The following LRRC9 variants were observed in gnomAD, a reference collection of about 807,000 sequenced individuals.
The protein encoded by LRRC9 is leucine rich repeat containing 9.
Under a neutral mutation model 63.2 loss-of-function variants are expected in LRRC9, and 122 were observed. The observed-to-expected ratio is 1.93, with a 90% confidence interval of 1.67 to 2.24. The LOEUF (loss-of-function observed/expected upper bound fraction) is 2.24. LRRC9 is among the 30% of genes most tolerant of loss of function. The pLI is 0.00. For missense variants in LRRC9, 1,071 were observed against 627.7 expected (o/e 1.71, Z -7.55); for synonymous variants, 366 against 213.1 (o/e 1.72, Z -6.25).
In LRRC9 at chr14:59,923,377, A is replaced by G. The variant is rs1279152981; in HGVS notation, c.-34+3494A>G. ...GGTAAGATTTGTATCCCAAATAGGC[A>G]TATTTTTCTTCCAAGGAAAAGTAGT... On this transcript the variant is annotated intron_variant, in intron 1 of 31. Transcript: ENST00000445360. This position sits in a 1 kb window ranked among gnomAD's most constrained non-coding sequence, Gnocchi z 4.2. Among the ~76,000 whole-genome samples, 4 of 152,214 alleles carry G rather than the reference A, an allele frequency of 2.6e-5. No homozygotes were observed. Among genetic ancestry groups the G allele is most frequent in the Middle Eastern group, 3.2e-3 (1 of 316 alleles).
chr14:60,045,842 A>T (rs1893374453), intron 29 of LRRC9, among the ~76,000 whole-genome samples: 1 of 152,184 alleles, frequency 6.6e-6, no homozygotes. Context: ...TCTTTGAAGA[A>T]TTGCCACACT....
In LRRC9 at chr14:59,960,034, T is replaced by G; in HGVS notation, c.1079+20T>G. 1.6e-6 allele frequency: 1 copy of G among 631,940 alleles called. No homozygotes were observed. The highest frequency in any genetic ancestry group is 2.8e-6 in the Non-Finnish European group (1 of 351,912). The allele number at this position is 631,940 out of a possible 1,614,324, so 39.1% of individuals were successfully genotyped here. A position where few individuals can be genotyped will look rare whatever the true frequency, so the allele number is the denominator to read the frequency against. The stretch of plus-strand genomic sequence containing the variant: ...AGATGAGTATGTTTAATTAATTATC[T>G]AGTTGTTCTGATCTGAAATGGAGAG... On this transcript the variant is annotated intron_variant, in intron 9 of 31. Coordinates refer to ENST00000445360, the Ensembl canonical transcript of LRRC9.
chr14:59,930,971 T>G lies in LRRC9; in HGVS notation c.321T>G (p.Phe107Leu), dbSNP rs1179631324. 5 of 457,726 alleles carry G rather than the reference T, an allele frequency of 1.1e-5. No individual in the cohort carries two copies. The highest frequency in any genetic ancestry group is 2.0e-5 in the Non-Finnish European group (5 of 253,486). The allele number at this position is 457,726 out of a possible 1,614,324, so 28.4% of individuals were successfully genotyped here. The change falls in exon 4 of 32, where the codon TTT (phenylalanine) becomes TTG (leucine). Residue 107 changes from phenylalanine (F) to leucine (L), a missense_variant. Phe to Leu is a conservative substitution (Grantham distance 22, BLOSUM62 0). Coordinates refer to ENST00000445360, the Ensembl canonical transcript of LRRC9. The surrounding 1 kb of genome is among the most constrained non-coding windows in gnomAD (Gnocchi z 4.9). ...ATTTGGAAAAACTATATTTATATTT[T>G]AATAAAATTTCCAAAATAGAAAATT...
At position 59,986,191 on chromosome 14, in the gene LRRC9, A is replaced by C. The variant is rs1887454412; in HGVS notation, c.2211+967A>C. On this transcript the variant is annotated intron_variant, in intron 17 of 31. Transcript: ENST00000445360. The surrounding 1 kb of genome is among the most constrained non-coding windows in gnomAD (Gnocchi z 4.7). ...AATGCACATGTACACATAGGCATGG[A>C]TATTGTCTGGCTTTTATTTTGTTAT... is the stretch of plus-strand genomic sequence containing the variant. Among the ~76,000 whole-genome samples, 1 of 152,168 alleles carries C rather than the reference A, an allele frequency of 6.6e-6. No homozygotes were observed. The highest frequency in any genetic ancestry group is 2.4e-5 in the African/African-American group (1 of 41,446).
chr14:59,973,008 C>T (rs1221646631), intron 12 of LRRC9, among the ~76,000 whole-genome samples: 1 of 152,062 alleles, frequency 6.6e-6, no homozygotes, highest in African/African-American at 2.4e-5. Context: ...TTCTTAAGAG[C>T]AGGATCTGTA....
At chr14:60,026,160 CAGG>C (rs1466533002) in intron 27 of LRRC9, among the ~76,000 whole-genome samples, 1 of 152,002 alleles carries the variant, frequency 6.6e-6, no homozygotes, top group South Asian at 2.1e-4. Context: ...ATGGAAGTGA[CAGG>C]AGAAGTCAAA....
Position 59,958,097 on chromosome 14 carries a change from C to T in LRRC9, c.883-1721C>T, listed in dbSNP as rs985585079. Among the ~76,000 whole-genome samples the T allele has an allele frequency of 2.0e-5, 3 of 152,210 alleles. No homozygotes were observed. Among genetic ancestry groups the T allele is most frequent in the Non-Finnish European group, 2.9e-5 (2 of 68,028 alleles). On this transcript the variant is annotated intron_variant, in intron 8 of 31. Transcript: ENST00000445360. This position sits in a 1 kb window ranked among gnomAD's most constrained non-coding sequence, Gnocchi z 4.0. ...TGGGGTATGTCTCCCAGTCAGGAGG[C>T]ACGGGGGTCAGGAACCCACTTGAGC...
Position 59,958,156 on chromosome 14 carries a change from G to C in LRRC9, c.883-1662G>C, listed in dbSNP as rs1361340745. 6.6e-6 allele frequency among the ~76,000 whole-genome samples: 1 copy of C among 152,208 alleles called. No homozygotes were observed. The highest frequency in any genetic ancestry group is 2.4e-5 in the African/African-American group (1 of 41,446). On this transcript the variant is annotated intron_variant, in intron 8 of 31. Coordinates refer to ENST00000445360, the Ensembl canonical transcript of LRRC9. The surrounding 1 kb of genome is among the most constrained non-coding windows in gnomAD (Gnocchi z 4.0). ...TGTCCCTTAGCAGAGCTGGTGCACT[G>C]TGCTGGGCGAATCCCTCTTGTCAGG...
At chr14:60,040,192 T>A (rs1397148086) in intron 29 of LRRC9, among the ~76,000 whole-genome samples, 1 of 151,988 alleles carries the variant, frequency 6.6e-6, no homozygotes, top group South Asian at 2.1e-4. Flanking sequence ...ATGTGGTACA[T>A]TTTGGAATAA....
exon 27 of LRRC9, chr14:60,022,802 A>G (rs1212053055): frequency 5.8e-6 from 4 of 688,268 alleles, no homozygotes; most frequent in South Asian, 3.1e-5. Context: ...TTGGGCTACA[A>G]TGGAATTTGT....
chr14:59,993,155 T>A (rs1888350004), intron 17 of LRRC9, among the ~76,000 whole-genome samples: 1 of 152,188 alleles, frequency 6.6e-6, no homozygotes, highest in African/African-American at 2.4e-5. Flanking sequence ...GGGACCAATA[T>A]TCAACATTCT....
chr14:60,003,378 T>G lies in LRRC9; in HGVS notation c.2665-243T>G, dbSNP rs943480498. ...CCAGCAGCTGGGACAAGTCCATTAC[T>G]GTAATGGGACTCTAGCACATCGCAG... On this transcript the variant is annotated intron_variant, in intron 20 of 31. Coordinates refer to ENST00000445360, the Ensembl canonical transcript of LRRC9. The surrounding 1 kb of genome is among the most constrained non-coding windows in gnomAD (Gnocchi z 4.2). Among the ~76,000 whole-genome samples the G allele has an allele frequency of 3.3e-5, 5 of 152,234 alleles. No homozygotes were observed. The highest frequency in any genetic ancestry group is 7.3e-5 in the Non-Finnish European group (5 of 68,032).
chr14:60,019,958 T>C (rs1339822729), intron 26 of LRRC9, among the ~76,000 whole-genome samples: 3 of 151,856 alleles, frequency 2.0e-5, no homozygotes, highest in Non-Finnish European at 4.4e-5. Flanking sequence ...TTGTGCTTTT[T>C]ATTACCTCTA....
intron 29 of LRRC9, among the ~76,000 whole-genome samples, chr14:60,036,182 C>A (rs1405358528): frequency 2.6e-5 from 4 of 152,146 alleles, no homozygotes; most frequent in African/African-American, 9.7e-5. Context: ...TAAACATAAT[C>A]ACCTCCCAAG....
At chr14:59,935,633 G>A (rs1259318722) in intron 6 of LRRC9, among the ~76,000 whole-genome samples, 1 of 152,328 alleles carries the variant, frequency 6.6e-6, no homozygotes, top group East Asian at 1.9e-4. Context: ...TCAGAGTGCT[G>A]TGGGAACATA....
intron 14 of LRRC9, among the ~76,000 whole-genome samples, chr14:59,977,581 T>C (rs952139940): frequency 2.0e-5 from 3 of 151,532 alleles, no homozygotes; most frequent in Non-Finnish European, 4.4e-5. Flanking sequence ...TGTGTGTGTG[T>C]GTGTGTGTGT....
rs1198546632 is a variant in LRRC9, at chr14:60,017,748, G to A, written c.3318-623G>A. On this transcript the variant is annotated intron_variant, in intron 24 of 31. Transcript: ENST00000445360. This position sits in a 1 kb window ranked among gnomAD's most constrained non-coding sequence, Gnocchi z 4.0. The stretch of plus-strand genomic sequence containing the variant: ...TAGGATTTATTTAGAGAACTGGTTA[G>A]GGAAAGGGATGTAGTTTTATGCTCT... Among the ~76,000 whole-genome samples the A allele has an allele frequency of 6.6e-6, 1 of 152,104 alleles. No individual in the cohort carries two copies. Among genetic ancestry groups the A allele is most frequent in the African/African-American group, 2.4e-5 (1 of 41,436 alleles).
chr14:59,976,706 C>T (rs77586430), intron 13 of LRRC9, among the ~76,000 whole-genome samples: 3,184 of 152,188 alleles, frequency 0.021, 119 homozygotes, highest in East Asian at 0.15. Flanking sequence ...TAAAAACAAA[C>T]AAAATTCCTT....
Position 59,964,366 on chromosome 14 carries a change from A to G in LRRC9, c.1212-2223A>G, listed in dbSNP as rs79989587. Among the ~76,000 whole-genome samples the G allele has an allele frequency of 3.3e-3, 502 of 152,262 alleles. 17 individuals are homozygous for G. In the East Asian group the frequency reaches 0.057, roughly 17 times the overall value. ...AAGCAAACGCAGTACTCCACCACATAAGTGGTTTTGTTTGTTCTGTTTCCT... is the reference window on the plus strand; with the variant it reads ...AAGCAAACGCAGTACTCCACCACATGAGTGGTTTTGTTTGTTCTGTTTCCT... On this transcript the variant is annotated intron_variant, in intron 10 of 31. Transcript: ENST00000445360. This position sits in a 1 kb window ranked among gnomAD's most constrained non-coding sequence, Gnocchi z 4.4.
Sources: allele counts gnomAD v4.1 joint callset (sites outside exome capture counted in the v4.1 genomes callset), GRCh38; gene constraint gnomAD v4.1.1; non-coding constraint Gnocchi (gnomAD v3.1); transcripts MANE v1.5; gene names NCBI Gene and HGNC (gene_info 2026-07-23, HGNC 2026-07-21).